Variants in PCGF6 observed in about 807,000 individuals in gnomAD.
PCGF6 encodes polycomb group RING finger protein 6.
A neutral mutation model predicts 45.5 loss-of-function variants in PCGF6; 24 were observed. The observed-to-expected ratio is 0.53, with a 90% CI of 0.38 to 0.74. PCGF6 has a LOEUF of 0.74. Among genes scored for constraint, PCGF6 ranks in the 30% least tolerant of loss-of-function variants. The probability of loss-of-function intolerance (pLI) is 0.00; values close to 1 mark genes in which losing one functional copy is unlikely to be tolerated. For missense variants in PCGF6, 356 were observed against 443.2 expected, an observed-to-expected ratio of 0.80 and a Z score of 1.77; for synonymous variants, 152 against 162.1, an observed-to-expected ratio of 0.94 and a Z score of 0.47.
At chr10:103,345,565 T>C (rs2093296029) in intron 5 of PCGF6, among the ~76,000 whole-genome samples, 1 of 152,018 alleles carries the variant, frequency 6.6e-6, no homozygotes, top group Non-Finnish European at 1.5e-5. Flanking sequence ...CCATGGCTAA[T>C]GCCTGTAATT....
chr10:103,316,859 T>G (rs918060655), intron 8 of PCGF6, among the ~76,000 whole-genome samples: 1 of 152,108 alleles, frequency 6.6e-6, no homozygotes, highest in Non-Finnish European at 1.5e-5. Flanking sequence ...AGAACCCGGG[T>G]TGGCATACTC....
At chr10:103,329,189 G>A (rs148422723) in intron 7 of PCGF6, among the ~76,000 whole-genome samples, 248 of 152,112 alleles carry the variant, frequency 1.6e-3, no homozygotes, top group South Asian at 3.9e-3. Flanking sequence ...ACAGGTACCC[G>A]CCACCAACGT....
At chr10:103,330,283 C>T (rs894177835) in intron 7 of PCGF6, among the ~76,000 whole-genome samples, 8 of 151,564 alleles carry the variant, frequency 5.3e-5, no homozygotes, top group African/African-American at 1.9e-4. Flanking sequence ...CCCATGTTGC[C>T]GAGGCTGGTC....
chr10:103,313,060 T>G (rs940927900), intron 9 of PCGF6, among the ~76,000 whole-genome samples: 6 of 152,272 alleles, frequency 3.9e-5, no homozygotes, highest in Admixed American at 1.3e-4. Flanking sequence ...TTCATTAAAC[T>G]TGTAGATCCT....
intron 8 of PCGF6, among the ~76,000 whole-genome samples, chr10:103,318,691 C>G (rs1464590123): frequency 6.6e-6 from 1 of 151,396 alleles, no homozygotes; most frequent in Non-Finnish European, 1.5e-5. Context: ...CTGCAGTGAG[C>G]TGAGATGGCA....
chr10:103,331,099 C>G (rs1592067680), intron 7 of PCGF6, among the ~76,000 whole-genome samples: 1 of 152,290 alleles, frequency 6.6e-6, no homozygotes. Context: ...TGACTGGCTT[C>G]TTTTCCTTAG....
rs957462540 is a variant in PCGF6, at chr10:103,322,749, G to A, written c.909+3785C>T. On this transcript the variant is annotated intron_variant, in intron 8 of 9. Coordinates refer to ENST00000369847, the MANE Select transcript of PCGF6 (RefSeq NM_001011663.2). ...TGAGGCAGGAGAATTGCTGGAACCCGGGAGGTAGAGACCGCAGTGAGTCAA... is the reference window on the plus strand; with the variant it reads ...TGAGGCAGGAGAATTGCTGGAACCCAGGAGGTAGAGACCGCAGTGAGTCAA... Among the ~76,000 whole-genome samples the A allele has an allele frequency of 2.9e-4, 44 of 151,844 alleles. 1 individual carries two copies. Among genetic ancestry groups the A allele is most frequent in the African/African-American group, 8.5e-4 (35 of 41,340 alleles).
chr10:103,335,945 G>A (rs1178506903), intron 6 of PCGF6, among the ~76,000 whole-genome samples: 1 of 149,650 alleles, frequency 6.7e-6, no homozygotes, highest in Non-Finnish European at 1.5e-5. Context: ...CCAGCCCGGT[G>A]ACAGTGCGAG....
At chr10:103,333,117 T>A (rs1428794477) in intron 7 of PCGF6, among the ~76,000 whole-genome samples, 44 of 131,018 alleles carry the variant, frequency 3.4e-4, no homozygotes, top group African/African-American at 9.1e-4. Flanking sequence ...AGACTCCATT[T>A]AAAAAAAAAA....
intron 9 of PCGF6, among the ~76,000 whole-genome samples, chr10:103,308,860 G>C (rs900630398): frequency 6.6e-6 from 1 of 151,954 alleles, no homozygotes; most frequent in Non-Finnish European, 1.5e-5. Context: ...GACAGAGAGA[G>C]AGAGACTCCA....
chr10:103,339,920 C>T (rs1210041144), intron 6 of PCGF6, among the ~76,000 whole-genome samples: 2 of 129,512 alleles, frequency 1.5e-5, no homozygotes, highest in Non-Finnish European at 3.2e-5. Flanking sequence ...TCCGAGCACT[C>T]TGGGAGGCTT....
chr10:103,351,057 C>G lies in PCGF6; in HGVS notation c.10G>C (p.Val4Leu), dbSNP rs2093319853. 3 of 1,391,892 alleles carry G rather than the reference C, an allele frequency of 2.2e-6. No homozygotes were observed. In the African/African-American group the frequency reaches 4.5e-5, roughly 21 times the overall value. The allele number at this position is 1,391,892 out of a possible 1,614,324, so 86.2% of individuals were successfully genotyped here. A position where few individuals can be genotyped will look rare whatever the true frequency, so the allele number is the denominator to read the frequency against. ...ACGCTGCCCGCCGTCACCACCGCGA[C>G]CCCCTCCATGGTCGGGAGAGACACC... MEG[V>L]AVVTAGSVGA... Residue 4 changes from valine to leucine, a missense_variant, in exon 1 of 10, where the codon GTC (valine) becomes CTC (leucine). Coordinates refer to ENST00000369847, the MANE Select transcript of PCGF6 (RefSeq NM_001011663.2).
chr10:103,341,603 C>CTT (rs752308460), intron 6 of PCGF6, among the ~76,000 whole-genome samples: 4 of 141,522 alleles, frequency 2.8e-5, no homozygotes, highest in Admixed American at 7.2e-5. Flanking sequence ...CCACATCCAG[C>CTT]TTTTTTTTTT....
At chr10:103,311,432 G>A (rs571385552) in intron 9 of PCGF6, among the ~76,000 whole-genome samples, 1 of 150,626 alleles carries the variant, frequency 6.6e-6, no homozygotes, top group East Asian at 2.0e-4. Context: ...GTGAGCCACT[G>A]TGCCCGGCCT....
intron 9 of PCGF6, among the ~76,000 whole-genome samples, chr10:103,313,208 G>C (rs965837099): frequency 5.3e-5 from 8 of 152,164 alleles, no homozygotes; most frequent in African/African-American, 1.9e-4. Flanking sequence ...TCTAAAGCAG[G>C]GGTGTCCAAT....
chr10:103,333,047 C>T (rs183580214), intron 7 of PCGF6, among the ~76,000 whole-genome samples: 9 of 149,198 alleles, frequency 6.0e-5, no homozygotes, highest in Admixed American at 2.0e-4. Context: ...TGAACCCAGA[C>T]GGCGGAAGTT....
intron 7 of PCGF6, among the ~76,000 whole-genome samples, chr10:103,331,143 A>G (rs959793705): frequency 2.6e-5 from 4 of 152,186 alleles, no homozygotes; most frequent in Non-Finnish European, 5.9e-5. Context: ...ATGTCAGACC[A>G]TGTATCAGTA....
At position 103,312,910 on chromosome 10, in the gene PCGF6, G is replaced by A. The variant is rs185357513; in HGVS notation, c.996+1276C>T. 6.3e-3 allele frequency among the ~76,000 whole-genome samples: 960 copies of A among 152,226 alleles called. 9 individuals carry two copies. The highest frequency in any genetic ancestry group is 6.8e-3 in the Non-Finnish European group (461 of 68,020). ...CGGGAGGCGGAGCTTGCAGTGAGCC[G>A]AGATCACGCCACTGCACTCCAGCCT... On this transcript the variant is annotated intron_variant, in intron 9 of 9. Transcript: ENST00000369847.
At chr10:103,347,333 A>C (rs1458839956) in intron 4 of PCGF6, 36 bp from the exon 5 acceptor site, 1 of 1,588,856 alleles carries the variant, frequency 6.3e-7, no homozygotes, top group Non-Finnish European at 8.6e-7. Flanking sequence ...AATTACACTT[A>C]AAATGTAACT....
Sources: allele counts gnomAD v4.1 joint callset (sites outside exome capture counted in the v4.1 genomes callset), GRCh38; gene constraint gnomAD v4.1.1; transcripts MANE v1.5; gene names NCBI Gene and HGNC (gene_info 2026-07-23, HGNC 2026-07-21).